The following ERBB4 variants were observed in gnomAD, a reference collection of about 807,000 sequenced individuals.
ERBB4 encodes the protein erb-b2 receptor tyrosine kinase 4.
ERBB4 carries 42 observed loss-of-function variants against 158.0 expected under a neutral mutation model. That is an observed-to-expected ratio of 0.27 (90% confidence interval 0.21 to 0.34). The LOEUF (loss-of-function observed/expected upper bound fraction) is 0.34. ERBB4 is among the 10% of genes least tolerant of loss of function. The pLI is 1.00. For synonymous variants in ERBB4, 583 were observed against 558.7 expected, an observed-to-expected ratio of 1.04 and a Z score of -0.61; for missense variants, 1,333 against 1,624.1, an observed-to-expected ratio of 0.82 and a Z score of 3.08.
At chr2:211,623,199 T>G (rs2069703000) in intron 18 of ERBB4, among the ~76,000 whole-genome samples, 1 of 151,030 alleles carries the variant, frequency 6.6e-6, no homozygotes, top group Non-Finnish European at 1.5e-5. Flanking sequence ...GTCCTGTAAT[T>G]AAGGCAAATA....
At chr2:211,580,015 A>G (rs1255266450) in intron 19 of ERBB4, among the ~76,000 whole-genome samples, 1 of 152,152 alleles carries the variant, frequency 6.6e-6, no homozygotes, top group African/African-American at 2.4e-5. Context: ...AAGAATATCA[A>G]ACTGGGGGAC....
intron 1 of ERBB4, among the ~76,000 whole-genome samples, chr2:212,519,640 C>T (rs529631326): frequency 6.6e-6 from 1 of 151,822 alleles, no homozygotes; most frequent in East Asian, 1.9e-4. Context: ...TTTGGGGCAA[C>T]CTGGGTGAAT....
chr2:211,599,890 AT>A (rs2068749091), intron 19 of ERBB4, among the ~76,000 whole-genome samples: 1 of 152,126 alleles, frequency 6.6e-6, no homozygotes, highest in Non-Finnish European at 1.5e-5. Context: ...TTTCTTAGAC[AT>A]TTTTCCCAGC....
chr2:212,060,578 AGACTGGATT>A, intron 2 of ERBB4, among the ~76,000 whole-genome samples: 1 of 146,474 alleles, frequency 6.8e-6, no homozygotes, highest in Non-Finnish European at 1.5e-5. Context: ...CATCAATGAT[AGACTGGATT>A]AAGAGTATGT....
At chr2:211,578,024 T>C (rs2067945740) in intron 19 of ERBB4, among the ~76,000 whole-genome samples, 1 of 150,886 alleles carries the variant, frequency 6.6e-6, no homozygotes, top group African/African-American at 2.4e-5. Flanking sequence ...TCAAACTCTG[T>C]AGATAATATG....
chr2:212,092,639 A>G (rs1268100246), intron 2 of ERBB4, among the ~76,000 whole-genome samples: 1 of 152,196 alleles, frequency 6.6e-6, no homozygotes, highest in Non-Finnish European at 1.5e-5. Flanking sequence ...ACATTCCTGT[A>G]TAGTATAATT....
At chr2:211,424,966 GA>G (rs1004593439) in intron 22 of ERBB4, among the ~76,000 whole-genome samples, 1 of 152,114 alleles carries the variant, frequency 6.6e-6, no homozygotes, top group Non-Finnish European at 1.5e-5. Context: ...TGGCTTTCTT[GA>G]ATCACTGGGA....
chr2:211,970,399 C>T (rs774659254), intron 2 of ERBB4, among the ~76,000 whole-genome samples: 1 of 152,042 alleles, frequency 6.6e-6, no homozygotes, highest in African/African-American at 2.4e-5. Context: ...ATCTATCAGG[C>T]CCATTCAATT....
At chr2:211,452,335 G>A (rs1405918186) in intron 20 of ERBB4, among the ~76,000 whole-genome samples, 4 of 151,936 alleles carry the variant, frequency 2.6e-5, no homozygotes, top group South Asian at 2.1e-4. Context: ...GTGCTATCAC[G>A]CCCGGCTAAT....
In ERBB4 at chr2:212,000,114, T is replaced by G. The variant is rs550582586; in HGVS notation, c.235-52498A>C. On this transcript the variant is annotated intron_variant, in intron 2 of 27. Coordinates refer to ENST00000342788, the MANE Select transcript of ERBB4 (RefSeq NM_005235.3). Reference sequence around the variant, plus strand: ...TCACTTTGTAAAATTAATAAAGGTATTAACACTACCATTTAGTTTCATGTT... The same window carrying G: ...TCACTTTGTAAAATTAATAAAGGTAGTAACACTACCATTTAGTTTCATGTT... Among the ~76,000 whole-genome samples, 7 of 151,890 alleles carry G rather than the reference T, an allele frequency of 4.6e-5. No homozygotes were observed. The South Asian group carries it at 1.4e-3, about 31-fold the overall frequency.
chr2:212,496,829 G>A (rs1278992950), intron 1 of ERBB4, among the ~76,000 whole-genome samples: 1 of 151,948 alleles, frequency 6.6e-6, no homozygotes, highest in Non-Finnish European at 1.5e-5. Context: ...TCTATATCCT[G>A]CATTTTCTCT....
chr2:211,587,924 T>C (rs7595223), intron 19 of ERBB4, among the ~76,000 whole-genome samples: 112,594 of 152,064 alleles, frequency 0.74, 43,939 homozygotes, highest in East Asian at 0.89. Context: ...AATTGCGGCA[T>C]TGTTTGTAAT....
At chr2:212,034,694 T>C (rs928295743) in intron 2 of ERBB4, among the ~76,000 whole-genome samples, 7 of 152,148 alleles carry the variant, frequency 4.6e-5, no homozygotes, top group Admixed American at 4.6e-4. Flanking sequence ...GTTTAACAAA[T>C]GTTAGTTTCT....
chr2:212,490,287 C>G (rs1168270945), intron 1 of ERBB4, among the ~76,000 whole-genome samples: 1 of 151,888 alleles, frequency 6.6e-6, no homozygotes, highest in East Asian at 1.9e-4. Flanking sequence ...TAGCACAATG[C>G]CTTGCACATA....
In ERBB4 at chr2:212,151,825, G is replaced by A. The variant is rs989785082; in HGVS notation, c.83-26922C>T. Among the ~76,000 whole-genome samples the A allele has an allele frequency of 2.0e-5, 3 of 152,102 alleles. No homozygotes were observed. In the East Asian group the frequency reaches 5.8e-4, roughly 29 times the overall value. ...AATCGTTTGAACCTGGGAGACGGAG[G>A]TTGCAGTGAGCTGAGATTGCACCAC... On this transcript the variant is annotated intron_variant, in intron 1 of 27. Transcript: ENST00000342788.
At chr2:212,271,288 C>T (rs955147044) in intron 1 of ERBB4, among the ~76,000 whole-genome samples, 26 of 151,670 alleles carry the variant, frequency 1.7e-4, no homozygotes, top group African/African-American at 6.0e-4. Context: ...AATAATAAGG[C>T]TCTTTTTTAT....
At chr2:211,924,010 C>T (rs2079948251) in intron 3 of ERBB4, among the ~76,000 whole-genome samples, 2 of 152,090 alleles carry the variant, frequency 1.3e-5, no homozygotes, top group South Asian at 2.1e-4. Context: ...GTGTGAGCCA[C>T]CATGCCCAGC....
intron 20 of ERBB4, among the ~76,000 whole-genome samples, chr2:211,449,605 C>G (rs909718227): frequency 5.9e-5 from 9 of 152,102 alleles, no homozygotes; most frequent in African/African-American, 2.2e-4. Context: ...AAGAAATGCC[C>G]TTATCCCTAA....
intron 2 of ERBB4, among the ~76,000 whole-genome samples, chr2:212,045,918 C>T (rs545235787): frequency 6.6e-6 from 1 of 152,256 alleles, no homozygotes; most frequent in South Asian, 2.1e-4. Flanking sequence ...TCTCTAAGCA[C>T]AAGGACAGAG....
Sources: gnomAD v4.1 joint callset for allele counts (sites outside exome capture counted in the v4.1 genomes callset) on GRCh38, gnomAD v4.1.1 for gene constraint, MANE v1.5 for transcripts, NCBI Gene and HGNC (gene_info 2026-07-23, HGNC 2026-07-21) for gene names.